The following CAMSAP1 variants were observed in gnomAD, a reference collection of about 807,000 sequenced individuals.
CAMSAP1 encodes calmodulin-regulated spectrin-associated protein 1.
In CAMSAP1, 58 loss-of-function variants were observed where a neutral mutation model predicts 143.5. The ratio of observed to expected loss-of-function variants is 0.40; its 90% CI spans 0.33 to 0.50. The LOEUF is 0.50. Ranked by LOEUF, CAMSAP1 falls within the 20% of genes least tolerant of loss-of-function variation. The probability of loss-of-function intolerance (pLI) is 0.45; values close to 1 mark genes in which losing one functional copy is unlikely to be tolerated. For missense variants in CAMSAP1, 1,969 were observed against 2,115.7 expected (o/e 0.93, Z 1.36); for synonymous variants, 945 against 859.3 (o/e 1.10, Z -1.74).
At chr9:135,876,518 G>A (rs1157586824) in intron 3 of CAMSAP1, among the ~76,000 whole-genome samples, 1 of 152,194 alleles carries the variant, frequency 6.6e-6, no homozygotes, top group Non-Finnish European at 1.5e-5. Flanking sequence ...CCACTCAAAT[G>A]GCTAAAGAGA....
intron 7 of CAMSAP1, among the ~76,000 whole-genome samples, chr9:135,831,367 C>T (rs547861303): frequency 1.9e-3 from 290 of 151,980 alleles, no homozygotes; most frequent in Non-Finnish European, 3.3e-3. Context: ...GATGTGGTGG[C>T]GCAGACCTGT....
chr9:135,818,076 T>C lies in CAMSAP1; in HGVS notation c.4172A>G (p.Asp1391Gly), dbSNP rs776816925. 6.2e-7 allele frequency: 1 copy of C among 1,613,656 alleles called. No homozygotes were observed. Among genetic ancestry groups the C allele is most frequent in the South Asian group, 1.1e-5 (1 of 91,074 alleles). Residue 1391 changes from aspartate (D) to glycine (G), a missense_variant, in exon 14 of 17, where the codon GAT (aspartate) becomes GGT (glycine). Physicochemically the swap from Asp to Gly is moderately conservative, Grantham distance 94. Coordinates refer to ENST00000389532, the MANE Select transcript of CAMSAP1 (RefSeq NM_015447.4). This position sits in a 1 kb window ranked among gnomAD's most constrained non-coding sequence, Gnocchi z 7.7. ...GCCTGACTGAGTCCGGCTCAAGTTATCAGCTGCCAGAGACAGAAACAGACG... is the reference window on the plus strand; with the variant it reads ...GCCTGACTGAGTCCGGCTCAAGTTACCAGCTGCCAGAGACAGAAACAGACG... The part of the protein sequence containing the change: ...DSGTKCSSTP[D>G]NLSRTQSGSS...
intron 7 of CAMSAP1, among the ~76,000 whole-genome samples, chr9:135,847,770 A>G (rs1836608341): frequency 7.8e-6 from 1 of 127,526 alleles, no homozygotes; most frequent in Non-Finnish European, 1.6e-5. Flanking sequence ...TGATGGGTGC[A>G]GCAAACCACC....
intron 1 of CAMSAP1, among the ~76,000 whole-genome samples, chr9:135,896,144 A>G (rs1317384725): frequency 6.6e-6 from 1 of 152,234 alleles, no homozygotes; most frequent in African/African-American, 2.4e-5. Context: ...ACATAACATC[A>G]TTACATGCTC....
intron 7 of CAMSAP1, chr9:135,836,267 T>C: frequency 1.0e-6 from 1 of 984,198 alleles, no homozygotes; most frequent in South Asian, 4.7e-5. Flanking sequence ...CCTTTACCCA[T>C]TCCGCAGCCA....
intron 1 of CAMSAP1, among the ~76,000 whole-genome samples, chr9:135,895,848 C>A (rs886768744): frequency 1.3e-5 from 2 of 151,926 alleles, no homozygotes; most frequent in African/African-American, 2.4e-5. Flanking sequence ...ATAAGTATAC[C>A]GTAATACCCA....
chr9:135,892,105 T>C (rs1411243449), intron 1 of CAMSAP1, among the ~76,000 whole-genome samples: 1 of 152,080 alleles, frequency 6.6e-6, no homozygotes, highest in Non-Finnish European at 1.5e-5. Context: ...TATGAATAAA[T>C]ATGGCCCAAA....
chr9:135,816,028 G>C, intron 14 of CAMSAP1, 23 bp from the exon 15 acceptor site: 16 of 1,608,328 alleles, frequency 9.9e-6, no homozygotes, highest in Non-Finnish European at 1.4e-5. Flanking sequence ...ACAGACAAGA[G>C]ACAGGCAGGT....
At position 135,826,838 on chromosome 9, in the gene CAMSAP1, A is replaced by G. The variant is rs988648329; in HGVS notation, c.1223+569T>C. On this transcript the variant is annotated intron_variant, in intron 8 of 16. Coordinates refer to ENST00000389532, the MANE Select transcript of CAMSAP1 (RefSeq NM_015447.4). The surrounding 1 kb of genome is among the most constrained non-coding windows in gnomAD (Gnocchi z 4.4). ...CCCTCCCCCAATTCTGGCACAGTCA[A>G]TTCTACCCCAGATATGGTTATCCAA... Among the ~76,000 whole-genome samples the G allele has an allele frequency of 3.3e-5, 5 of 152,162 alleles. No individual in the cohort carries two copies. The highest frequency in any genetic ancestry group is 1.2e-4 in the African/African-American group (5 of 41,430).
chr9:135,875,780 T>C (rs188136518), intron 3 of CAMSAP1, among the ~76,000 whole-genome samples: 3 of 152,188 alleles, frequency 2.0e-5, no homozygotes. Context: ...TTCATAAAAA[T>C]GAACTCAAAG....
intron 1 of CAMSAP1, among the ~76,000 whole-genome samples, chr9:135,888,170 C>T (rs879823581): frequency 1.3e-5 from 2 of 152,238 alleles, no homozygotes; most frequent in African/African-American, 2.4e-5. Flanking sequence ...CCTACCTGTC[C>T]GTTCCGAACA....
At chr9:135,895,855 C>T (rs570735405) in intron 1 of CAMSAP1, among the ~76,000 whole-genome samples, 1 of 152,168 alleles carries the variant, frequency 6.6e-6, no homozygotes, top group East Asian at 1.9e-4. Flanking sequence ...TACCGTAATA[C>T]CCAGAGCAGT....
At chr9:135,841,283 C>A (rs1467167991) in intron 7 of CAMSAP1, among the ~76,000 whole-genome samples, 1 of 152,196 alleles carries the variant, frequency 6.6e-6, no homozygotes, top group Non-Finnish European at 1.5e-5. Context: ...GCCGCTGTAG[C>A]CAGACTGCCT....
At chr9:135,838,914 C>T (rs375107905) in intron 7 of CAMSAP1, among the ~76,000 whole-genome samples, 2 of 152,304 alleles carry the variant, frequency 1.3e-5, no homozygotes, top group South Asian at 4.1e-4. Flanking sequence ...CACGTCACCA[C>T]GCACTTTCTA....
chr9:135,823,323 C>G lies in CAMSAP1; in HGVS notation c.1401-63G>C. 7 of 1,493,216 alleles carry G rather than the reference C, an allele frequency of 4.7e-6. No individual in the cohort carries two copies. The South Asian group carries it at 9.8e-5, about 21-fold the overall frequency. 92.5% of individuals were successfully genotyped at this position (1,493,216 alleles called of 1,614,324 possible). A position where few individuals can be genotyped will look rare whatever the true frequency, so the allele number is the denominator to read the frequency against. On this transcript the variant is annotated intron_variant, in intron 10 of 16. Coordinates refer to ENST00000389532, the MANE Select transcript of CAMSAP1 (RefSeq NM_015447.4). ...ATACACCAAAGACCCCCAACATGGA[C>G]CAGGGGGTGAGAATGCCGGCCACAC...
At chr9:135,894,450 A>G (rs1838387345) in intron 1 of CAMSAP1, among the ~76,000 whole-genome samples, 1 of 152,172 alleles carries the variant, frequency 6.6e-6, no homozygotes, top group South Asian at 2.1e-4. Context: ...TGTAAAACAA[A>G]CACCCAGCCT....
intron 1 of CAMSAP1, among the ~76,000 whole-genome samples, chr9:135,888,399 C>G (rs578220810): frequency 6.6e-6 from 1 of 152,322 alleles, no homozygotes; most frequent in South Asian, 2.1e-4. Context: ...CGGCAGCACA[C>G]GGCAAAGACC....
intron 4 of CAMSAP1, among the ~76,000 whole-genome samples, chr9:135,866,121 C>G (rs1837371383): frequency 6.6e-6 from 1 of 152,236 alleles, no homozygotes; most frequent in Non-Finnish European, 1.5e-5. Flanking sequence ...GCATCTTTAG[C>G]AACAGGCAAT....
intron 16 of CAMSAP1, among the ~76,000 whole-genome samples, chr9:135,813,945 C>T (rs1173257961): frequency 6.6e-6 from 1 of 152,214 alleles, no homozygotes; most frequent in Non-Finnish European, 1.5e-5. Context: ...AAGGCCTAGC[C>T]CCGCCTCTGT....
Sources: allele counts gnomAD v4.1 joint callset (sites outside exome capture counted in the v4.1 genomes callset), GRCh38; gene constraint gnomAD v4.1.1; non-coding constraint Gnocchi (gnomAD v3.1); transcripts MANE v1.5; gene names NCBI Gene and HGNC (gene_info 2026-07-23, HGNC 2026-07-21).